The following ALS2CL variants were observed in gnomAD, a reference collection of about 807,000 sequenced individuals.
ALS2CL encodes the protein ALS2 C-terminal like.
A neutral mutation model predicts 127.9 loss-of-function variants in ALS2CL; 112 were observed. That is an observed-to-expected ratio of 0.88 (90% CI 0.75 to 1.02). The LOEUF (loss-of-function observed/expected upper bound fraction) is 1.02. ALS2CL is among the 50% of genes least tolerant of loss of function. ALS2CL has a pLI of 0.00. For synonymous variants in ALS2CL, 519 were observed against 527.6 expected (o/e 0.98, Z 0.22); for missense variants, 1,174 against 1,236.7 (o/e 0.95, Z 0.76).
rs1222569771 is a variant in ALS2CL at position 46,670,404 on chromosome 3, T to C, written c.*580A>G. On this transcript the variant is annotated 3_prime_UTR_variant, in exon 26 of 26. Coordinates refer to ENST00000318962, the MANE Select transcript of ALS2CL (RefSeq NM_147129.5). The surrounding 1 kb of genome is among the most constrained non-coding windows in gnomAD (Gnocchi z 5.5). ...CAAGCCACTTGGGGCCTGCTGGCAG[T>C]GAGGGTTTACCCACCCCCCGCCCCA... The C allele has an allele frequency of 4.0e-5, 6 of 151,846 alleles. No individual in the cohort carries two copies. Among genetic ancestry groups the C allele is most frequent in the Non-Finnish European group, 5.9e-5 (4 of 68,048 alleles). The allele number at this position is 151,846 out of a possible 1,614,324, so 9.4% of individuals were successfully genotyped here.
At position 46,676,855 on chromosome 3, in the gene ALS2CL, C is replaced by A. The variant is rs762412726; in HGVS notation, c.1925G>T (p.Cys642Phe). 6.2e-7 allele frequency: 1 copy of A among 1,613,632 alleles called. No homozygotes were observed. The highest frequency in any genetic ancestry group is 1.1e-5 in the South Asian group (1 of 91,058). ...CTCACACAGCCGGCCTCACCTCTCG[C>A]AGGACAGGTAATCCTGAGACCTACG... is the stretch of plus-strand genomic sequence containing the variant. ...ELRRSQDYLS[C>F]ERTHPEDSVG... The change falls in exon 17 of 26, where the codon TGC becomes TTC. Residue 642 changes from cysteine (C) to phenylalanine (F), a missense_variant. Coordinates refer to ENST00000318962, the MANE Select transcript of ALS2CL (RefSeq NM_147129.5).
rs546757776 is a variant in ALS2CL, at chr3:46,678,986, G to C, written c.1626+224C>G. Among the ~76,000 whole-genome samples the C allele has an allele frequency of 1.5e-3, 224 of 152,270 alleles. No individual in the cohort carries two copies. Among genetic ancestry groups the C allele is most frequent in the African/African-American group, 5.2e-3 (217 of 41,556 alleles). ...GGAGGGACACAGCCAGGAGACCACC[G>C]GTACCCTCTGGATAGCAGGCAAGGC... On this transcript the variant is annotated intron_variant, in intron 15 of 25. Transcript: ENST00000318962.
At chr3:46,687,412 A>G (rs1178971197) in intron 4 of ALS2CL, among the ~76,000 whole-genome samples, 1 of 152,226 alleles carries the variant, frequency 6.6e-6, no homozygotes, top group Non-Finnish European at 1.5e-5. Context: ...GCCCAGCTAG[A>G]GCGGGTCTGG....
Position 46,673,341 on chromosome 3 carries a change from G to T in ALS2CL, c.2470C>A (p.Gln824Lys), listed in dbSNP as rs774532405. The change falls in exon 22 of 26, where the codon CAG becomes AAG. Residue 824 changes from glutamine (Q) to lysine (K), a missense_variant and splice_region_variant. Transcript: ENST00000318962. ...TGGGGCTCTGGCCTCCCTCTCACCT[G>T]ATTGCTCGTCAGCGTGAGGTCCTTG... ...PLKDLTLTSN[Q>K]RYSLVRDKCF... 3.2e-6 allele frequency: 5 copies of T among 1,564,482 alleles called. No individual in the cohort carries two copies. Among genetic ancestry groups the T allele is most frequent in the Non-Finnish European group, 4.3e-6 (5 of 1,154,300 alleles).
chr3:46,673,507 C>T, intron 21 of ALS2CL, 126 bp from the exon 22 acceptor site: 6 of 977,150 alleles, frequency 6.1e-6, no homozygotes, highest in Middle Eastern at 2.1e-4. Context: ...GGAAGGAGAT[C>T]AGCCTAGGTC....
At chr3:46,684,133 C>A (rs1278328031) in intron 7 of ALS2CL, 86 bp from the exon 8 acceptor site, 2 of 1,453,256 alleles carry the variant, frequency 1.4e-6, no homozygotes, top group African/African-American at 1.4e-5. Flanking sequence ...CAAGCTCAAC[C>A]TTGTGTGGCC....
At chr3:46,691,731 T>A (rs1401741355) in intron 1 of ALS2CL, among the ~76,000 whole-genome samples, 2 of 151,126 alleles carry the variant, frequency 1.3e-5, no homozygotes, top group African/African-American at 4.8e-5. Context: ...TCTTTTTTTT[T>A]TTTTTTTTTA....
chr3:46,690,615 A>G (rs1559486718), intron 1 of ALS2CL, among the ~76,000 whole-genome samples: 1 of 152,242 alleles, frequency 6.6e-6, no homozygotes, highest in Non-Finnish European at 1.5e-5. Flanking sequence ...CATCTGCCCA[A>G]ATGACCTGAT....
chr3:46,676,748 A>T lies in ALS2CL; in HGVS notation c.1932-10T>A. ...GTCCTCAGGGTGGGTCCTGGGCACC[A>T]CACACAGCATCCCTCACCCACACCT... On this transcript the variant is annotated splice_polypyrimidine_tract_variant and intron_variant, in intron 17 of 25. Coordinates refer to ENST00000318962, the MANE Select transcript of ALS2CL (RefSeq NM_147129.5). 6.2e-7 allele frequency: 1 copy of T among 1,613,454 alleles called. No individual in the cohort carries two copies. Among genetic ancestry groups the T allele is most frequent in the South Asian group, 1.1e-5 (1 of 91,064 alleles).
chr3:46,671,670 C>T, intron 24 of ALS2CL, 86 bp from the exon 25 acceptor site: 1 of 1,600,484 alleles, frequency 6.2e-7, no homozygotes, highest in Non-Finnish European at 8.5e-7. Flanking sequence ...GGAGCGCTGG[C>T]CTGGATGGCT....
Position 46,671,958 on chromosome 3 carries a change from C to G in ALS2CL, c.2610G>C (p.Arg870Ser). ...TYGEIEGTVS[R>S]VLGREYKLPM... Reference sequence around the variant, plus strand: ...GCAGCTTGTACTCCCGGCCCAATACCCTCGACACCGTGCCCTCAATTTCCC... The same window carrying G: ...GCAGCTTGTACTCCCGGCCCAATACGCTCGACACCGTGCCCTCAATTTCCC... Residue 870 changes from arginine to serine, a missense_variant, in exon 24 of 26, where the codon AGG becomes AGC. Transcript: ENST00000318962. 6.2e-7 allele frequency: 1 copy of G among 1,613,980 alleles called. No individual in the cohort carries two copies. Among genetic ancestry groups the G allele is most frequent in the Non-Finnish European group, 8.5e-7 (1 of 1,180,002 alleles).
rs367594897 is a variant in ALS2CL, at chr3:46,683,756, G to T, written c.912+26C>A. ...TACCCTGTCCTCTGACCCCGCTCCC[G>T]CAGTTCACAGCTCACCCACACTCAC... On this transcript the variant is annotated intron_variant, in intron 9 of 25. Transcript: ENST00000318962. The T allele has an allele frequency of 1.1e-5, 17 of 1,612,486 alleles. No homozygotes were observed. In the South Asian group the frequency reaches 1.9e-4, roughly 18 times the overall value.
chr3:46,676,988 G>A lies in ALS2CL; in HGVS notation c.1792C>T (p.Arg598Cys), dbSNP rs772104486. The change falls in exon 17 of 26, where the codon CGC becomes TGC. Residue 598 changes from arginine to cysteine, a missense_variant. Arg to Cys is a radical substitution (Grantham distance 180, BLOSUM62 -3). Coordinates refer to ENST00000318962, the MANE Select transcript of ALS2CL (RefSeq NM_147129.5). ...AAGGGGCTGTAGACTCCCTGCCAGC[G>A]GCTTTCCACGGGGAAGGCACCCACG... ...LGVGAFPVES[R>C]WQGVYSPFRD... is the part of the protein sequence containing the mutation. 82 of 1,611,096 alleles carry A rather than the reference G, an allele frequency of 5.1e-5. No individual in the cohort carries two copies. In the East Asian group the frequency reaches 5.8e-4, roughly 11 times the overall value.
At chr3:46,680,288 C>A in intron 14 of ALS2CL, 142 bp downstream of exon 14, 1 of 864,156 alleles carries the variant, frequency 1.2e-6, no homozygotes, top group Non-Finnish European at 1.8e-6. Context: ...AGCTGGCTTC[C>A]TGCCCAGGTT....
chr3:46,674,434 A>C, intron 21 of ALS2CL, 132 bp downstream of exon 21: 1 of 1,210,554 alleles, frequency 8.3e-7, no homozygotes. Flanking sequence ...AGATCCAGCC[A>C]CACCTGAATG....
intron 2 of ALS2CL, 66 bp from the exon 3 acceptor site, chr3:46,688,362 C>A: frequency 6.7e-7 from 1 of 1,488,396 alleles, no homozygotes; most frequent in Non-Finnish European, 9.2e-7. Context: ...GGAACATGCA[C>A]AGGCCCCAGG....
Position 46,676,242 on chromosome 3 carries a change from C to T in ALS2CL, c.2186+3G>A, listed in dbSNP as rs1257435060. On this transcript the variant is annotated splice_donor_region_variant and intron_variant, in intron 19 of 25. Coordinates refer to ENST00000318962, the MANE Select transcript of ALS2CL (RefSeq NM_147129.5). Reference sequence around the variant, plus strand: ...TAGCTGTCCCGTTTGCCACCGAGCCCACCTGTAGGCAGCCCAGAGTTCCTG... The same window carrying T: ...TAGCTGTCCCGTTTGCCACCGAGCCTACCTGTAGGCAGCCCAGAGTTCCTG... 6.2e-7 allele frequency: 1 copy of T among 1,612,414 alleles called. No individual in the cohort carries two copies. Among genetic ancestry groups the T allele is most frequent in the Non-Finnish European group, 8.5e-7 (1 of 1,179,358 alleles).
intron 18 of ALS2CL, 53 bp downstream of exon 18, chr3:46,676,589 C>T (rs915674749): frequency 4.8e-5 from 77 of 1,592,104 alleles, no homozygotes; most frequent in Non-Finnish European, 6.3e-5. Context: ...AGCCCTTCCC[C>T]ACCAGGGACA....
rs1699390631 is a variant in ALS2CL, at chr3:46,682,017, A to C, written c.1175+12T>G. On this transcript the variant is annotated intron_variant, in intron 11 of 25. Transcript: ENST00000318962. Reference sequence around the variant, plus strand: ...CTGCACGCCTCCCAGCAGTAGCCCCAGCCAGCCTTACCCATGCTCCAGGCC... The same window carrying C: ...CTGCACGCCTCCCAGCAGTAGCCCCCGCCAGCCTTACCCATGCTCCAGGCC... The C allele has an allele frequency of 1.2e-6, 2 of 1,613,726 alleles. No individual in the cohort carries two copies. Among genetic ancestry groups the C allele is most frequent in the African/African-American group, 2.7e-5 (2 of 75,036 alleles).
Sources: gnomAD v4.1 joint callset for allele counts (sites outside exome capture counted in the v4.1 genomes callset) on GRCh38, gnomAD v4.1.1 for gene constraint, Gnocchi (gnomAD v3.1) non-coding constraint, MANE v1.5 for transcripts, NCBI Gene and HGNC (gene_info 2026-07-23, HGNC 2026-07-21) for gene names.